Variants in POU2AF2 observed in about 807,000 individuals in gnomAD.
POU2AF2 encodes the protein POU class 2 homeobox associating factor 2.
At chr11:111,260,639 CAGA>C in the POU2AF2 span, among the ~76,000 whole-genome samples, 3 of 152,110 alleles carry the variant, frequency 2.0e-5, no homozygotes, top group Non-Finnish European at 2.9e-5. Context: ...CAGTAGCCAC[CAGA>C]AGCTTGAAAA....
the POU2AF2 span, among the ~76,000 whole-genome samples, chr11:111,253,068 C>T: frequency 2.0e-5 from 3 of 152,068 alleles, 1 homozygote; most frequent in African/African-American, 7.2e-5. Context: ...AAATCTCTTC[C>T]CCAGAATTCT....
chr11:111,264,556 GAAAGAAAGAAAGAAAGA>G, the POU2AF2 span, among the ~76,000 whole-genome samples: 2 of 63,324 alleles, frequency 3.2e-5, 1 homozygote, highest in Non-Finnish European at 6.5e-5. Flanking sequence ...AAGAAAGAAA[GAAAGAAAGAAAGAAAGA>G]AAGGGAGAGA....
chr11:111,285,606 G>A, the POU2AF2 span: 1 of 1,573,666 alleles, frequency 6.4e-7, no homozygotes. Flanking sequence ...TGTATCATCA[G>A]AGTGTCACCT....
At chr11:111,248,715 C>T in the POU2AF2 span, among the ~76,000 whole-genome samples, 5 of 152,068 alleles carry the variant, frequency 3.3e-5, no homozygotes, top group Non-Finnish European at 4.4e-5. Context: ...CAAAAACCTG[C>T]TTAAAAACAT....
At chr11:111,283,058 C>CAT in the POU2AF2 span, among the ~76,000 whole-genome samples, 1 of 118,456 alleles carries the variant, frequency 8.4e-6, no homozygotes, top group African/African-American at 3.3e-5. Flanking sequence ...AAACTTTTTA[C>CAT]TTTTTTTTTT....
chr11:111,282,538 T>C, the POU2AF2 span, among the ~76,000 whole-genome samples: 2 of 152,230 alleles, frequency 1.3e-5, no homozygotes, highest in Non-Finnish European at 2.9e-5. Flanking sequence ...TTGAACACAA[T>C]GTTATACTAC....
the POU2AF2 span, chr11:111,245,774 AC>A: frequency 2.5e-6 from 1 of 398,788 alleles, no homozygotes; most frequent in Non-Finnish European, 4.4e-6. Flanking sequence ...GCAGACCAGG[AC>A]CCCTTACCAA....
chr11:111,247,954 G>A, the POU2AF2 span, among the ~76,000 whole-genome samples: 1 of 132,346 alleles, frequency 7.6e-6, no homozygotes, highest in Admixed American at 8.6e-5. Context: ...CGCGATCTCC[G>A]CTCACTGCAA....
At chr11:111,275,040 G>A in the POU2AF2 span, among the ~76,000 whole-genome samples, 1 of 152,232 alleles carries the variant, frequency 6.6e-6, no homozygotes, top group African/African-American at 2.4e-5. Flanking sequence ...GGCCAACAGT[G>A]TGTTTATGAA....
the POU2AF2 span, among the ~76,000 whole-genome samples, chr11:111,275,861 T>C: frequency 6.6e-6 from 1 of 152,112 alleles, no homozygotes; most frequent in Non-Finnish European, 1.5e-5. Flanking sequence ...AATATAAAAA[T>C]TCAATGTGTG....
chr11:111,284,105 G>T, the POU2AF2 span: 1 of 1,614,196 alleles, frequency 6.2e-7, no homozygotes, highest in Non-Finnish European at 8.5e-7. Flanking sequence ...TTACTACGGT[G>T]TCAGAAGATC....
At chr11:111,278,521 T>C in the POU2AF2 span, among the ~76,000 whole-genome samples, 32 of 151,984 alleles carry the variant, frequency 2.1e-4, 1 homozygote, top group Admixed American at 2.1e-3. Flanking sequence ...AGTGTCCTTA[T>C]AAGAAGAGAC....
At chr11:111,276,980 T>C in the POU2AF2 span, among the ~76,000 whole-genome samples, 3 of 152,198 alleles carry the variant, frequency 2.0e-5, no homozygotes, top group South Asian at 2.1e-4. Context: ...ATTTGAACCT[T>C]AATTCAAATT....
chr11:111,269,669 A>T, the POU2AF2 span, among the ~76,000 whole-genome samples: 1 of 152,192 alleles, frequency 6.6e-6, no homozygotes, highest in Admixed American at 6.5e-5. Flanking sequence ...ACCAAAGTGC[A>T]TCTCAGTGAC....
the POU2AF2 span, chr11:111,256,152 C>CCA: frequency 2.5e-6 from 1 of 398,772 alleles, no homozygotes; most frequent in Non-Finnish European, 4.4e-6. Flanking sequence ...CTCCCTTTAT[C>CCA]CACACACCAA....
At chr11:111,263,373 G>A in the POU2AF2 span, among the ~76,000 whole-genome samples, 1 of 144,884 alleles carries the variant, frequency 6.9e-6, no homozygotes, top group Admixed American at 6.9e-5. Flanking sequence ...TTGAGCTGAT[G>A]TTTCAGATTA....
the POU2AF2 span, among the ~76,000 whole-genome samples, chr11:111,282,934 G>C: frequency 6.6e-6 from 1 of 152,104 alleles, no homozygotes; most frequent in Non-Finnish European, 1.5e-5. Context: ...ACTGAGCTAC[G>C]GGGTCAGAAA....
At chr11:111,252,224 G>A in the POU2AF2 span, among the ~76,000 whole-genome samples, 6,306 of 152,156 alleles carry the variant, frequency 0.041, 347 homozygotes, top group East Asian at 0.27. Flanking sequence ...CCAGGACTGC[G>A]TAGATTAGAG....
At chr11:111,276,449 A>T in the POU2AF2 span, among the ~76,000 whole-genome samples, 191 of 49,674 alleles carry the variant, frequency 3.8e-3, no homozygotes, top group African/African-American at 0.013. Context: ...GAAAAAAAAA[A>T]AAAAATATAT....
Sources: gnomAD v4.1 joint callset for allele counts (sites outside exome capture counted in the v4.1 genomes callset) on GRCh38, gnomAD v4.1.1 for gene constraint, MANE v1.5 for transcripts, NCBI Gene and HGNC (gene_info 2026-07-23, HGNC 2026-07-21) for gene names.